The following GABRG3 variants were observed in gnomAD, a reference collection of about 807,000 sequenced individuals.
GABRG3 encodes the protein gamma-aminobutyric acid receptor subunit gamma-3.
Under a neutral mutation model 48.8 loss-of-function variants are expected in GABRG3, and 25 were observed. The observed-to-expected ratio is 0.51, with a 90% CI of 0.37 to 0.72. The LOEUF is 0.72. Ranked by LOEUF, GABRG3 falls within the 30% of genes least tolerant of loss-of-function variation. The pLI, the probability that GABRG3 is intolerant of heterozygous loss-of-function variation, is 0.00. For missense variants in GABRG3, 394 were observed against 577.9 expected (o/e 0.68, Z 3.26); for synonymous variants, 227 against 217.6 (o/e 1.04, Z -0.38).
intron 6 of GABRG3, among the ~76,000 whole-genome samples, chr15:27,508,135 T>C (rs971183587): frequency 2.0e-5 from 3 of 152,216 alleles, no homozygotes; most frequent in African/African-American, 7.2e-5. Flanking sequence ...TCTGGGATGT[T>C]TAGATCATTA....
intron 5 of GABRG3, among the ~76,000 whole-genome samples, chr15:27,434,809 G>A (rs374165657): frequency 2.6e-5 from 4 of 152,238 alleles, no homozygotes; most frequent in Non-Finnish European, 1.5e-5. Context: ...CTTCTTTGAC[G>A]TCTAACAGGA....
At chr15:27,132,261 TTTCAGGTCTTACATTTAAATG>T (rs1345810726) in intron 3 of GABRG3, among the ~76,000 whole-genome samples, 2 of 152,052 alleles carry the variant, frequency 1.3e-5, no homozygotes, top group Non-Finnish European at 2.9e-5. Context: ...AGTTTCATAG[TTTCAGGTCTTACATTTAAATG>T]TTTAATCCAT....
chr15:27,286,533 G>A (rs944858140), intron 3 of GABRG3, among the ~76,000 whole-genome samples: 20 of 152,220 alleles, frequency 1.3e-4, no homozygotes, highest in Non-Finnish European at 2.9e-4. Context: ...GGGAATGGTA[G>A]CGAAAGGAGA....
chr15:27,353,746 A>G (rs1437190908), intron 5 of GABRG3, among the ~76,000 whole-genome samples: 1 of 152,098 alleles, frequency 6.6e-6, no homozygotes, highest in Non-Finnish European at 1.5e-5. Context: ...CCCAGCCAGT[A>G]TGTGCGTAGT....
intron 6 of GABRG3, 121 bp from the exon 7 acceptor site, chr15:27,519,851 A>G (rs1272307752): frequency 2.9e-6 from 2 of 699,802 alleles, no homozygotes; most frequent in Non-Finnish European, 2.3e-6. Context: ...CTGATTTGAT[A>G]TTGTTGTAGT....
At chr15:27,524,014 A>G (rs1891218726) in intron 7 of GABRG3, among the ~76,000 whole-genome samples, 1 of 152,114 alleles carries the variant, frequency 6.6e-6, no homozygotes, top group Non-Finnish European at 1.5e-5. Context: ...GCCAAAAGGC[A>G]TAAATCTAGA....
At chr15:27,177,382 G>C (rs1190688170) in intron 3 of GABRG3, among the ~76,000 whole-genome samples, 2 of 152,192 alleles carry the variant, frequency 1.3e-5, no homozygotes, top group Non-Finnish European at 2.9e-5. Flanking sequence ...ACTCTTGAGT[G>C]GTAAGCAATT....
Position 27,375,818 on chromosome 15 carries a change from A to G in GABRG3, c.574+46930A>G, listed in dbSNP as rs138840540. On this transcript the variant is annotated intron_variant, in intron 5 of 9. Transcript: ENST00000615808. Reference sequence around the variant, plus strand: ...ATTTGGGTGGGGACACAGCCAAACCATATCATTCCACCCCTAGCCCCTCCG... The same window carrying G: ...ATTTGGGTGGGGACACAGCCAAACCGTATCATTCCACCCCTAGCCCCTCCG... Among the ~76,000 whole-genome samples the G allele has an allele frequency of 3.3e-3, 508 of 152,182 alleles. 5 individuals carry two copies. Among genetic ancestry groups the G allele is most frequent in the African/African-American group, 0.012 (482 of 41,530 alleles).
chr15:27,043,535 A>C (rs1896312950), intron 3 of GABRG3, among the ~76,000 whole-genome samples: 1 of 152,148 alleles, frequency 6.6e-6, no homozygotes, highest in Non-Finnish European at 1.5e-5. Context: ...AAGGAGAGTA[A>C]CTTTGAGATG....
intron 3 of GABRG3, among the ~76,000 whole-genome samples, chr15:27,058,030 C>T (rs1896581698): frequency 6.6e-6 from 1 of 152,140 alleles, no homozygotes; most frequent in African/African-American, 2.4e-5. Flanking sequence ...CGACAGTTCT[C>T]AAAGCTGAGG....
intron 3 of GABRG3, among the ~76,000 whole-genome samples, chr15:27,104,150 T>G (rs1461163632): frequency 6.6e-6 from 1 of 152,254 alleles, no homozygotes; most frequent in Non-Finnish European, 1.5e-5. Context: ...GAAAATTTAA[T>G]GAAATGTGAA....
At chr15:27,020,204 A>T (rs1232980389) in intron 2 of GABRG3, among the ~76,000 whole-genome samples, 1 of 152,082 alleles carries the variant, frequency 6.6e-6, no homozygotes, top group African/African-American at 2.4e-5. Context: ...CGCACCCTCC[A>T]TGGGCATGTC....
At chr15:27,263,790 T>G (rs995747793) in intron 3 of GABRG3, among the ~76,000 whole-genome samples, 1 of 151,866 alleles carries the variant, frequency 6.6e-6, no homozygotes, top group Admixed American at 6.6e-5. Context: ...TAAATTGCAG[T>G]GGTAAAACGC....
rs140219664 is a variant in GABRG3, at chr15:27,130,828, G to A, written c.270+104007G>A. On this transcript the variant is annotated intron_variant, in intron 3 of 9. Coordinates refer to ENST00000615808, the MANE Select transcript of GABRG3 (RefSeq NM_033223.5). ...TTCTTTACAGATTGTTCTTTGTTAC[G>A]TGAAAATATAACTGATTTGGGGTGT... Among the ~76,000 whole-genome samples the A allele has an allele frequency of 3.6e-3, 548 of 152,040 alleles. 2 individuals carry two copies. Among genetic ancestry groups the A allele is most frequent in the African/African-American group, 0.013 (528 of 41,512 alleles).
intron 3 of GABRG3, among the ~76,000 whole-genome samples, chr15:27,283,678 G>A (rs1324324314): frequency 6.6e-6 from 1 of 152,108 alleles, no homozygotes; most frequent in Non-Finnish European, 1.5e-5. Flanking sequence ...TTCGCTCAGG[G>A]ACTGTATTGT....
intron 3 of GABRG3, among the ~76,000 whole-genome samples, chr15:27,313,260 G>GTATATATATA (rs1391208486): frequency 1.6e-4 from 8 of 49,550 alleles, no homozygotes; most frequent in Non-Finnish European, 2.5e-4. Context: ...GTGTGTGTGT[G>GTATATATATA]TGTATATATA....
chr15:27,390,428 C>T (rs536634711), intron 5 of GABRG3, among the ~76,000 whole-genome samples: 9 of 152,294 alleles, frequency 5.9e-5, no homozygotes, highest in Non-Finnish European at 1.0e-4. Flanking sequence ...TAATTTTTGT[C>T]TGTTTTGATG....
At chr15:26,973,788 G>A (rs995963425) in intron 1 of GABRG3, among the ~76,000 whole-genome samples, 1 of 152,164 alleles carries the variant, frequency 6.6e-6, no homozygotes, top group African/African-American at 2.4e-5. Context: ...TTAAGCTAAG[G>A]TGTAAGACAT....
chr15:27,237,146 G>A (rs1889999456), intron 3 of GABRG3, among the ~76,000 whole-genome samples: 1 of 152,258 alleles, frequency 6.6e-6, no homozygotes, highest in Non-Finnish European at 1.5e-5. Flanking sequence ...TAGAATGGCT[G>A]TGAGGGTGAG....
Sources: gnomAD v4.1 joint callset for allele counts (sites outside exome capture counted in the v4.1 genomes callset) on GRCh38, gnomAD v4.1.1 for gene constraint, MANE v1.5 for transcripts, NCBI Gene and HGNC (gene_info 2026-07-23, HGNC 2026-07-21) for gene names.